Variants in GABRB1 observed in about 807,000 individuals in gnomAD.
GABRB1 encodes gamma-aminobutyric acid type A receptor subunit beta1.
In GABRB1, 17 loss-of-function variants were observed where a neutral mutation model predicts 51.6. The ratio of observed to expected loss-of-function variants is 0.33; its 90% confidence interval spans 0.23 to 0.49. GABRB1 has a LOEUF of 0.49. Among genes scored for constraint, GABRB1 ranks in the 20% least tolerant of loss-of-function variants. The pLI is 0.99. For missense variants in GABRB1, 410 were observed against 600.6 expected (o/e 0.68, Z 3.32); for synonymous variants, 247 against 218.9 (o/e 1.13, Z -1.14).
chr4:47,246,374 A>G (rs1299870841), intron 4 of GABRB1, among the ~76,000 whole-genome samples: 1 of 48,278 alleles, frequency 2.1e-5, no homozygotes, highest in Admixed American at 1.8e-4. Flanking sequence ...ATATATATAT[A>G]TATATATATA....
At chr4:47,063,474 G>T (rs1276766192) in intron 3 of GABRB1, among the ~76,000 whole-genome samples, 1 of 152,086 alleles carries the variant, frequency 6.6e-6, no homozygotes, top group Non-Finnish European at 1.5e-5. Context: ...AGCCAACAAA[G>T]CTTAAGTAAA....
chr4:47,178,632 T>C (rs1302235740), intron 4 of GABRB1, among the ~76,000 whole-genome samples: 2 of 152,106 alleles, frequency 1.3e-5, no homozygotes, highest in Admixed American at 1.3e-4. Flanking sequence ...GTGCTGAAAA[T>C]ATAAAGAGTC....
rs189443973 is a variant in GABRB1 at position 47,172,704 on chromosome 4, C to T, written c.461+11235C>T. On this transcript the variant is annotated intron_variant, in intron 4 of 8. Coordinates refer to ENST00000295454, the MANE Select transcript of GABRB1 (RefSeq NM_000812.4). ...TCGCCCAGGCTGAAGTGCAGTGGCA[C>T]GGTCTCAACTCGAAGCAACCTCCAC... Among the ~76,000 whole-genome samples the T allele has an allele frequency of 3.2e-5, 4 of 126,860 alleles. No homozygotes were observed. In the Admixed American group the frequency reaches 4.1e-4, roughly 13 times the overall value. 83.2% of individuals were successfully genotyped at this position (126,860 alleles called of 152,430 possible). A position where few individuals can be genotyped will look rare whatever the true frequency, so the allele number is the denominator to read the frequency against.
At chr4:47,213,140 CT>C (rs914473916) in intron 4 of GABRB1, among the ~76,000 whole-genome samples, 15 of 152,276 alleles carry the variant, frequency 9.9e-5, no homozygotes, top group African/African-American at 2.2e-4. Context: ...TCCTTATACT[CT>C]TTCTTCAAAT....
intron 1 of GABRB1, 50 bp downstream of exon 1, chr4:47,031,781 T>C (rs1291751578): frequency 5.8e-6 from 9 of 1,562,196 alleles, no homozygotes; most frequent in Middle Eastern, 1.7e-4. Context: ...TCTCTTTTTT[T>C]CTTGGTATGT....
intron 4 of GABRB1, among the ~76,000 whole-genome samples, chr4:47,278,574 AAACTGGGAATTGTTG>A (rs1339060294): frequency 2.6e-5 from 4 of 151,596 alleles, no homozygotes; most frequent in Non-Finnish European, 5.9e-5. Context: ...CAGCAGAAGT[AAACTGGGAATTGTTG>A]AACTGGGTGG....
chr4:47,033,982 GTAA>G (rs1725446501), intron 3 of GABRB1, among the ~76,000 whole-genome samples: 1 of 152,026 alleles, frequency 6.6e-6, no homozygotes, highest in African/African-American at 2.4e-5. Context: ...TCTGAGGAAT[GTAA>G]TAATATGTGC....
intron 8 of GABRB1, among the ~76,000 whole-genome samples, chr4:47,423,580 A>C (rs1009719735): frequency 2.0e-5 from 3 of 152,336 alleles, no homozygotes; most frequent in East Asian, 3.9e-4. Context: ...AGCACTCAAT[A>C]AATGTTGGGA....
At position 47,145,793 on chromosome 4, in the gene GABRB1, T is replaced by A. The variant is rs558460508; in HGVS notation, c.241-15456T>A. ...ACTGGCTCCGACAGGATGAGAATCGTTACCATAGCAACTCCCAGGCTGACT... is the reference window on the plus strand; with the variant it reads ...ACTGGCTCCGACAGGATGAGAATCGATACCATAGCAACTCCCAGGCTGACT... On this transcript the variant is annotated intron_variant, in intron 3 of 8. Transcript: ENST00000295454. Among the ~76,000 whole-genome samples the A allele has an allele frequency of 4.6e-5, 7 of 152,162 alleles. No individual in the cohort carries two copies. In the South Asian group the frequency reaches 1.5e-3, roughly 32 times the overall value.
intron 4 of GABRB1, among the ~76,000 whole-genome samples, chr4:47,310,703 A>C (rs1724637994): frequency 6.6e-6 from 1 of 152,144 alleles, no homozygotes; most frequent in African/African-American, 2.4e-5. Flanking sequence ...CTTATCTTTG[A>C]TATTGGAGTG....
chr4:47,178,293 T>G (rs1377483568), intron 4 of GABRB1, among the ~76,000 whole-genome samples: 1 of 152,146 alleles, frequency 6.6e-6, no homozygotes, highest in African/African-American at 2.4e-5. Context: ...AGTCTATCTC[T>G]TTAATGTGTT....
intron 5 of GABRB1, among the ~76,000 whole-genome samples, chr4:47,381,702 C>T (rs1018092907): frequency 6.6e-6 from 1 of 152,178 alleles, no homozygotes; most frequent in Non-Finnish European, 1.5e-5. Context: ...CAGAGACAGA[C>T]ACAGGCCTTC....
intron 4 of GABRB1, among the ~76,000 whole-genome samples, chr4:47,264,513 C>T (rs1387099047): frequency 2.0e-5 from 3 of 152,212 alleles, no homozygotes; most frequent in Non-Finnish European, 4.4e-5. Flanking sequence ...TATGCCTACT[C>T]TTTGGGGATT....
upstream of GABRB1, chr4:47,031,450 C>G (rs982427775): frequency 1.2e-4 from 72 of 585,342 alleles, no homozygotes; most frequent in Middle Eastern, 1.7e-3. Context: ...GGACATGGAG[C>G]ACCCCAAATA....
At position 47,100,913 on chromosome 4, in the gene GABRB1, G is replaced by C. The variant is rs1301684774; in HGVS notation, c.241-60336G>C. Among the ~76,000 whole-genome samples the C allele has an allele frequency of 4.6e-5, 7 of 152,028 alleles. No homozygotes were observed. The East Asian group carries it at 1.4e-3, about 29-fold the overall frequency. ...AACCAGCTTTCTTAAAGTCAAGAAA[G>C]TTTAGAAGAACATAACATGTCAAGG... On this transcript the variant is annotated intron_variant, in intron 3 of 8. Transcript: ENST00000295454.
intron 5 of GABRB1, among the ~76,000 whole-genome samples, chr4:47,392,089 T>TAA (rs201077519): frequency 5.0e-5 from 7 of 139,892 alleles, no homozygotes; most frequent in African/African-American, 1.5e-4. Context: ...TTGGAAGGGC[T>TAA]AAAAAAAAAA....
intron 5 of GABRB1, among the ~76,000 whole-genome samples, chr4:47,382,491 T>C (rs1197643805): frequency 6.6e-6 from 1 of 152,238 alleles, no homozygotes; most frequent in East Asian, 1.9e-4. Flanking sequence ...TAAGAAGCAC[T>C]CTGTAGCTAT....
chr4:47,166,536 A>G (rs1246899503), intron 4 of GABRB1, among the ~76,000 whole-genome samples: 1 of 152,144 alleles, frequency 6.6e-6, no homozygotes, highest in Non-Finnish European at 1.5e-5. Flanking sequence ...AAAAATAAAG[A>G]CCTATAATGT....
intron 4 of GABRB1, among the ~76,000 whole-genome samples, chr4:47,229,056 A>G (rs759496802): frequency 7.2e-5 from 11 of 152,138 alleles, no homozygotes; most frequent in Non-Finnish European, 1.3e-4. Flanking sequence ...GGAAACTAAC[A>G]CTTATGTGAA....
Sources: gnomAD v4.1 joint callset for allele counts (sites outside exome capture counted in the v4.1 genomes callset) on GRCh38, gnomAD v4.1.1 for gene constraint, MANE v1.5 for transcripts, NCBI Gene and HGNC (gene_info 2026-07-23, HGNC 2026-07-21) for gene names.